The following GABRA2 variants were observed in gnomAD, a reference collection of about 807,000 sequenced individuals.
GABRA2 encodes gamma-aminobutyric acid receptor subunit alpha-2.
Under a neutral mutation model 48.7 loss-of-function variants are expected in GABRA2, and 16 were observed. The observed-to-expected ratio is 0.33, with a 90% CI of 0.22 to 0.50. GABRA2 has a LOEUF of 0.50. GABRA2 is among the 20% of genes least tolerant of loss of function. GABRA2 has a pLI of 0.98. For synonymous variants in GABRA2, 185 were observed against 184.5 expected, an observed-to-expected ratio of 1.00 and a Z score of -0.02; for missense variants, 275 against 535.6, an observed-to-expected ratio of 0.51 and a Z score of 4.80.
chr4:46,335,427 G>A (rs913995115), intron 3 of GABRA2, among the ~76,000 whole-genome samples: 1 of 152,040 alleles, frequency 6.6e-6, no homozygotes, highest in Non-Finnish European at 1.5e-5. Context: ...GAGTCTCTGT[G>A]CATTTTAGGT....
chr4:46,273,468 CAT>C (rs10686717), intron 8 of GABRA2, among the ~76,000 whole-genome samples: 154 of 43,026 alleles, frequency 3.6e-3, no homozygotes, highest in African/African-American at 0.013. Context: ...CCATTCATTG[CAT>C]ATATATATAT....
intron 4 of GABRA2, among the ~76,000 whole-genome samples, chr4:46,332,214 T>C (rs1276933587): frequency 2.0e-5 from 3 of 152,136 alleles, no homozygotes; most frequent in African/African-American, 7.2e-5. Flanking sequence ...TTGTTGTTGT[T>C]GTTTTTAAAT....
intron 8 of GABRA2, among the ~76,000 whole-genome samples, chr4:46,295,568 G>A (rs1418154103): frequency 1.3e-5 from 2 of 152,188 alleles, no homozygotes; most frequent in African/African-American, 4.8e-5. Flanking sequence ...TGGGTCCATG[G>A]ACAATGTGGC....
chr4:46,289,061 G>T (rs1723094426), intron 8 of GABRA2, among the ~76,000 whole-genome samples: 1 of 152,066 alleles, frequency 6.6e-6, no homozygotes, highest in Admixed American at 6.5e-5. Context: ...AAAAACAGAT[G>T]CTGGCAGGAT....
intron 3 of GABRA2, among the ~76,000 whole-genome samples, chr4:46,384,502 T>C (rs1468998136): frequency 1.3e-5 from 2 of 152,156 alleles, no homozygotes; most frequent in African/African-American, 2.4e-5. Flanking sequence ...AAACAGGTAG[T>C]TTCTACTACC....
At chr4:46,360,006 G>C (rs1261820356) in intron 3 of GABRA2, among the ~76,000 whole-genome samples, 1 of 152,022 alleles carries the variant, frequency 6.6e-6, no homozygotes, top group Admixed American at 6.6e-5. Context: ...AAACCAATTA[G>C]TAAAAAGGGG....
intron 4 of GABRA2, among the ~76,000 whole-genome samples, chr4:46,313,251 A>C (rs1296570546): frequency 6.6e-6 from 1 of 151,700 alleles, no homozygotes. Context: ...ACTTAAGCAC[A>C]CTTTCAGATC....
chr4:46,277,856 C>T (rs1720794441), intron 8 of GABRA2, among the ~76,000 whole-genome samples: 1 of 152,084 alleles, frequency 6.6e-6, no homozygotes, highest in African/African-American at 2.4e-5. Context: ...AATATGAGTC[C>T]CTGCTTTACC....
intron 9 of GABRA2, among the ~76,000 whole-genome samples, chr4:46,255,975 G>A (rs1715726951): frequency 6.6e-6 from 1 of 151,420 alleles, no homozygotes; most frequent in Admixed American, 6.6e-5. Flanking sequence ...GTAAAGAAAT[G>A]GGGCTCTCAT....
intron 8 of GABRA2, among the ~76,000 whole-genome samples, chr4:46,270,705 AT>A (rs1440951039): frequency 1.3e-5 from 2 of 152,122 alleles, no homozygotes; most frequent in East Asian, 3.9e-4. Context: ...GCACTTTTAT[AT>A]TTTGGTTTAT....
chr4:46,366,570 A>G (rs1714072460), intron 3 of GABRA2: 1 of 152,130 alleles, frequency 6.6e-6, no homozygotes, highest in African/African-American at 2.4e-5. Context: ...TAATTAGGTG[A>G]CAAAAGGCAA....
At chr4:46,301,484 G>C (rs1725725387) in intron 8 of GABRA2, among the ~76,000 whole-genome samples, 1 of 152,050 alleles carries the variant, frequency 6.6e-6, no homozygotes, top group African/African-American at 2.4e-5. Context: ...TCTCATCTAG[G>C]CCTCAAACTA....
rs375071624 is a variant in GABRA2 at position 46,291,779 on chromosome 4, A to ATATATG, written c.856+11680_856+11681insCATATA. 1.4e-3 allele frequency among the ~76,000 whole-genome samples: 202 copies of ATATATG among 148,796 alleles called. 2 individuals are homozygous for ATATATG. Among genetic ancestry groups the ATATATG allele is most frequent in the Admixed American group, 2.4e-3 (36 of 14,800 alleles). On this transcript the variant is annotated intron_variant, in intron 8 of 9. Coordinates refer to ENST00000381620, the MANE Select transcript of GABRA2 (RefSeq NM_000807.4). ...TAATACTATTAATAAACACACACAT[A>ATATATG]TATATATATATACATATACATATAT...
intron 3 of GABRA2, among the ~76,000 whole-genome samples, chr4:46,382,859 T>C (rs1716947726): frequency 6.6e-6 from 1 of 152,180 alleles, no homozygotes; most frequent in South Asian, 2.1e-4. Flanking sequence ...TACTCATTTA[T>C]ATCATAGTTA....
intron 3 of GABRA2, among the ~76,000 whole-genome samples, chr4:46,340,995 G>A (rs1304907403): frequency 3.3e-5 from 5 of 151,536 alleles, no homozygotes; most frequent in Admixed American, 6.6e-5. Flanking sequence ...TCTTCTGACT[G>A]TACCAATTTG....
At chr4:46,369,127 G>T in intron 3 of GABRA2, 1 of 610,280 alleles carries the variant, frequency 1.6e-6, no homozygotes, top group Non-Finnish European at 3.0e-6. Flanking sequence ...ATACTCAAAC[G>T]TTTCCTTGGG....
chr4:46,257,602 A>G (rs1195257192), intron 9 of GABRA2, among the ~76,000 whole-genome samples: 1 of 151,714 alleles, frequency 6.6e-6, no homozygotes, highest in African/African-American at 2.4e-5. Flanking sequence ...AACAAACATA[A>G]GAGAAAACTA....
rs187072438 is a variant in GABRA2, at chr4:46,359,300, C to G, written c.188-26618G>C. Among the ~76,000 whole-genome samples the G allele has an allele frequency of 1.6e-4, 25 of 152,260 alleles. No homozygotes were observed. In the East Asian group the frequency reaches 4.2e-3, roughly 26 times the overall value. On this transcript the variant is annotated intron_variant, in intron 3 of 9. Transcript: ENST00000381620. The stretch of plus-strand genomic sequence containing the variant: ...TAAAGTCTAATGAAAATCACTCACT[C>G]TAAATTTAAGGAAATATTCTTAAAC...
intron 5 of GABRA2, among the ~76,000 whole-genome samples, 162 bp downstream of exon 5, chr4:46,312,334 A>T (rs557385142): frequency 6.6e-6 from 1 of 152,320 alleles, no homozygotes; most frequent in African/African-American, 2.4e-5. Flanking sequence ...TATTTTATAT[A>T]GTTTTTTAAA....
Sources: gnomAD v4.1 joint callset for allele counts (sites outside exome capture counted in the v4.1 genomes callset) on GRCh38, gnomAD v4.1.1 for gene constraint, MANE v1.5 for transcripts, NCBI Gene and HGNC (gene_info 2026-07-23, HGNC 2026-07-21) for gene names.